SOBP: variants seen among roughly 807,000 people sequenced by gnomAD.
The protein encoded by SOBP is sine oculis-binding protein homolog.
SOBP carries 4 observed loss-of-function variants against 53.6 expected under a neutral mutation model. The observed-to-expected ratio is 0.07, with a 90% CI of 0.04 to 0.17. The LOEUF (loss-of-function observed/expected upper bound fraction) is 0.17. SOBP is among the 10% of genes least tolerant of loss of function. SOBP has a pLI of 1.00. For missense variants in SOBP, 1,088 were observed against 1,204.7 expected (o/e 0.90, Z 1.43); for synonymous variants, 584 against 522.6 (o/e 1.12, Z -1.60).
At chr6:107,546,862 G>A (rs1583197241) in intron 4 of SOBP, among the ~76,000 whole-genome samples, 1 of 152,152 alleles carries the variant, frequency 6.6e-6, no homozygotes, top group East Asian at 1.9e-4. Context: ...GAGTTTGGCT[G>A]ACTCCTCCTG....
At position 107,554,450 on chromosome 6, in the gene SOBP, C is replaced by T. The variant is rs539305703; in HGVS notation, c.573+20840C>T. On this transcript the variant is annotated intron_variant, in intron 4 of 6. Coordinates refer to ENST00000317357, the MANE Select transcript of SOBP (RefSeq NM_018013.4). ...TGCCTGGATGCCCTGTCAGATGCAG[C>T]GTAATACTTAACAGAACTCCTTACT... 2.0e-5 allele frequency among the ~76,000 whole-genome samples: 3 copies of T among 152,258 alleles called. No homozygotes were observed. The South Asian group carries it at 6.2e-4, about 32-fold the overall frequency.
chr6:107,647,437 G>A (rs527282477), intron 6 of SOBP, among the ~76,000 whole-genome samples: 1 of 152,302 alleles, frequency 6.6e-6, no homozygotes, highest in Admixed American at 6.5e-5. Flanking sequence ...GCAGTTATCA[G>A]CTCCAATGTA....
At chr6:107,613,623 T>C (rs1375414632) in intron 5 of SOBP, among the ~76,000 whole-genome samples, 1 of 152,258 alleles carries the variant, frequency 6.6e-6, no homozygotes, top group Non-Finnish European at 1.5e-5. Flanking sequence ...ACTTGGCTTA[T>C]GTTTGATTAT....
At chr6:107,568,550 C>T (rs1784980025) in intron 4 of SOBP, among the ~76,000 whole-genome samples, 1 of 152,144 alleles carries the variant, frequency 6.6e-6, no homozygotes, top group Non-Finnish European at 1.5e-5. Context: ...GGGAGCAACA[C>T]ACACATCAGC....
At chr6:107,544,179 G>A (rs373122083) in intron 4 of SOBP, among the ~76,000 whole-genome samples, 1 of 152,114 alleles carries the variant, frequency 6.6e-6, no homozygotes, top group African/African-American at 2.4e-5. Context: ...CTATCTTTGT[G>A]GCTGAAAACT....
chr6:107,497,089 A>G (rs900838043), intron 1 of SOBP, among the ~76,000 whole-genome samples: 1 of 152,182 alleles, frequency 6.6e-6, no homozygotes, highest in African/African-American at 2.4e-5. Flanking sequence ...TATCTCTATT[A>G]ATGAGTCCAA....
chr6:107,562,787 A>T (rs1196649134), intron 4 of SOBP, among the ~76,000 whole-genome samples: 1 of 152,204 alleles, frequency 6.6e-6, no homozygotes, highest in African/African-American at 2.4e-5. Context: ...AAATAACATC[A>T]AAATGATGAA....
intron 5 of SOBP, among the ~76,000 whole-genome samples, chr6:107,625,706 G>A (rs1269654308): frequency 3.3e-5 from 5 of 152,200 alleles, no homozygotes; most frequent in African/African-American, 1.2e-4. Flanking sequence ...TGGCGTGGGG[G>A]TTGGGGGGAC....
chr6:107,540,019 A>T (rs1350864590), intron 4 of SOBP, among the ~76,000 whole-genome samples: 1 of 152,224 alleles, frequency 6.6e-6, no homozygotes, highest in Admixed American at 6.5e-5. Context: ...GATAATGATT[A>T]TTCTTTTTCC....
At position 107,635,396 on chromosome 6, in the gene SOBP, G is replaced by A; in HGVS notation, c.2552G>A (p.Ser851Asn). 6.2e-7 allele frequency: 1 copy of A among 1,613,440 alleles called. No homozygotes were observed. Among genetic ancestry groups the A allele is most frequent in the Non-Finnish European group, 8.5e-7 (1 of 1,180,018 alleles). ...TGCATCATCTCCTCGCCCATGCTCA[G>A]CGCCGGGCCTGAGGACCTGGAGCCG... Reference protein sequence around the residue: ...APCIISSPMLSAGPEDLEPPL... With the variant: ...APCIISSPMLNAGPEDLEPPL... Residue 851 changes from serine (S) to asparagine (N), a missense_variant, in exon 6 of 7, where the codon AGC becomes AAC. Ser to Asn is a conservative substitution (Grantham distance 46). Around this residue, in one of 6 missense-constraint regions of SOBP, gnomAD observed 665 missense variants for 629.7 expected, o/e 1.06. Transcript: ENST00000317357. This position sits in a 1 kb window ranked among gnomAD's most constrained non-coding sequence, Gnocchi z 4.5.
At chr6:107,655,668 C>A (rs1278466537) in intron 6 of SOBP, among the ~76,000 whole-genome samples, 3 of 152,052 alleles carry the variant, frequency 2.0e-5, no homozygotes. Context: ...TAATAGATAC[C>A]AGAGAATAAT....
intron 4 of SOBP, among the ~76,000 whole-genome samples, chr6:107,569,850 G>A (rs1360201351): frequency 1.3e-5 from 2 of 152,170 alleles, no homozygotes; most frequent in Non-Finnish European, 2.9e-5. Flanking sequence ...GCCCCACCTG[G>A]GAAGGAAACC....
intron 6 of SOBP, among the ~76,000 whole-genome samples, chr6:107,643,783 A>G (rs999682077): frequency 4.0e-4 from 61 of 152,236 alleles, no homozygotes; most frequent in Admixed American, 3.3e-4. Flanking sequence ...ATAATTGAGT[A>G]GTATCTGAGC....
In SOBP at chr6:107,635,247, G is replaced by A; in HGVS notation, c.2403G>A (p.Lys801=). The A allele has an allele frequency of 6.2e-7, 1 of 1,613,944 alleles. No individual in the cohort carries two copies. Among genetic ancestry groups the A allele is most frequent in the Non-Finnish European group, 8.5e-7 (1 of 1,180,000 alleles). ...AGGAGGCCCTGGCGGGGGGCGACAA[G>A]TCAGACCCGAACCTTAATAACCCCG... The part of the protein sequence containing the change: ...MGEEALAGGD[K]SDPNLNNPAD... The change falls in exon 6 of 7, where the codon AAG becomes AAA. Residue 801 remains lysine, a synonymous_variant. Transcript: ENST00000317357. The surrounding 1 kb of genome is among the most constrained non-coding windows in gnomAD (Gnocchi z 4.5).
At chr6:107,533,311 G>T in intron 3 of SOBP, 148 bp from the exon 4 acceptor site, 1 of 436,070 alleles carries the variant, frequency 2.3e-6, no homozygotes, top group Non-Finnish European at 4.1e-6. Context: ...GAGAGAAAGA[G>T]AGAGAGAGAG....
chr6:107,635,072 A>AGCAGCC lies in SOBP; in HGVS notation c.2231_2236dup (p.Gln744_Pro745dup). ...GCTAAGAGCGCGGAGCCGCCTCCCG[A>AGCAGCC]GCAGCCGCCGCCGCCGCCGCCGCCC... On this transcript the variant is annotated inframe_insertion, in exon 6 of 7. Transcript: ENST00000317357. The surrounding 1 kb of genome is among the most constrained non-coding windows in gnomAD (Gnocchi z 4.5). 6.4e-7 allele frequency: 1 copy of AGCAGCC among 1,559,974 alleles called. No individual in the cohort carries two copies. Among genetic ancestry groups the AGCAGCC allele is most frequent in the Non-Finnish European group, 8.7e-7 (1 of 1,154,088 alleles).
At chr6:107,506,605 C>T (rs1475952143) in intron 3 of SOBP, among the ~76,000 whole-genome samples, 178 bp downstream of exon 3, 1 of 152,104 alleles carries the variant, frequency 6.6e-6, no homozygotes, top group Admixed American at 6.5e-5. Context: ...AGGAAAATTT[C>T]CCTACCTACT....
chr6:107,499,158 T>C (rs1782773030), intron 1 of SOBP, among the ~76,000 whole-genome samples: 1 of 152,182 alleles, frequency 6.6e-6, no homozygotes. Flanking sequence ...TTCTTTGCAA[T>C]TGCGGATACA....
intron 5 of SOBP, among the ~76,000 whole-genome samples, chr6:107,624,525 A>G (rs1047795160): frequency 3.9e-5 from 6 of 152,238 alleles, no homozygotes; most frequent in African/African-American, 1.4e-4. Flanking sequence ...CCTGGCAAAC[A>G]GTAGGTAGAA....
Sources: allele counts gnomAD v4.1 joint callset (sites outside exome capture counted in the v4.1 genomes callset), GRCh38; gene constraint gnomAD v4.1.1; regional missense constraint gnomAD v4.1.1; non-coding constraint Gnocchi (gnomAD v3.1); transcripts MANE v1.5; gene names NCBI Gene and HGNC (gene_info 2026-07-23, HGNC 2026-07-21).